The following LAMB1 variants were observed in gnomAD, a reference collection of about 807,000 sequenced individuals.
The protein encoded by LAMB1 is laminin subunit beta-1.
LAMB1 carries 121 observed loss-of-function variants against 222.3 expected under a neutral mutation model. The ratio of observed to expected loss-of-function variants is 0.54; its 90% CI spans 0.47 to 0.63. LAMB1 has a LOEUF of 0.63. LAMB1 is among the 30% of genes least tolerant of loss of function. LAMB1 has a pLI of 0.00. For missense variants in LAMB1, 2,172 were observed against 2,240.8 expected (o/e 0.97, Z 0.62); for synonymous variants, 794 against 807.2 (o/e 0.98, Z 0.28).
chr7:107,997,164 C>T (rs2034295843), intron 4 of LAMB1, among the ~76,000 whole-genome samples: 1 of 152,224 alleles, frequency 6.6e-6, no homozygotes, highest in African/African-American at 2.4e-5. Flanking sequence ...TGGTTCACAC[C>T]TGTAATCCCA....
At chr7:107,958,616 A>C (rs1372184386) in intron 20 of LAMB1, among the ~76,000 whole-genome samples, 1 of 152,222 alleles carries the variant, frequency 6.6e-6, no homozygotes, top group African/African-American at 2.4e-5. Context: ...TGCATTTCTT[A>C]ATTAGTAATA....
chr7:107,940,669 T>G, intron 24 of LAMB1: 1 of 306,682 alleles, frequency 3.3e-6, no homozygotes, highest in South Asian at 5.3e-5. Flanking sequence ...ATGTGGGAAC[T>G]CAGAGATCAG....
At chr7:107,960,711 C>G in intron 17 of LAMB1, 62 bp from the exon 18 acceptor site, 4 of 1,413,072 alleles carry the variant, frequency 2.8e-6, no homozygotes, top group Admixed American at 1.7e-5. Flanking sequence ...TGGGTTTAAG[C>G]AAGCAAACGT....
In LAMB1 at chr7:107,949,636, AG is replaced by A. The variant is rs554806359; in HGVS notation, c.3391+1589del. 7.6e-4 allele frequency among the ~76,000 whole-genome samples: 116 copies of A among 152,368 alleles called. 1 individual carries two copies. The highest frequency in any genetic ancestry group is 1.0e-3 in the Non-Finnish European group (69 of 68,038). ...CAAATTTGGAGAATGATGAAAGAAA[AG>A]TACCTGTTTATTGACATAGCAAACA... On this transcript the variant is annotated intron_variant, in intron 24 of 33. Coordinates refer to ENST00000222399, the MANE Select transcript of LAMB1 (RefSeq NM_002291.3).
intron 26 of LAMB1, 124 bp downstream of exon 26, chr7:107,936,969 T>C: frequency 1.3e-6 from 1 of 763,314 alleles, no homozygotes; most frequent in East Asian, 2.7e-5. Context: ...TGCCAGAAAC[T>C]GGATGAGCAA....
In LAMB1 at chr7:107,929,469, T is replaced by C. The variant is rs2116320322; in HGVS notation, c.4688A>G (p.His1563Arg). 6.2e-7 allele frequency: 1 copy of C among 1,614,190 alleles called. No individual in the cohort carries two copies. The highest frequency in any genetic ancestry group is 8.5e-7 in the Non-Finnish European group (1 of 1,180,010). Reference sequence around the variant, plus strand: ...AGCTCTGGCAATGTCAGCAGCACTATGCTGAAGAATAACCTCTACTTGAGA... The same window carrying C: ...AGCTCTGGCAATGTCAGCAGCACTACGCTGAAGAATAACCTCTACTTGAGA... ...SLSQVEVILQ[H>R]SAADIARAEM... The change falls in exon 30 of 34, where the codon CAT (histidine) becomes CGT (arginine). Residue 1563 changes from histidine to arginine, a missense_variant. Transcript: ENST00000222399.
chr7:107,948,970 T>G (rs1229147998), intron 24 of LAMB1, among the ~76,000 whole-genome samples: 1 of 152,256 alleles, frequency 6.6e-6, no homozygotes, highest in Non-Finnish European at 1.5e-5. Flanking sequence ...TTTCAATACA[T>G]TCTCCTTAAA....
chr7:107,944,457 C>G (rs2033067579), intron 24 of LAMB1, among the ~76,000 whole-genome samples: 1 of 152,144 alleles, frequency 6.6e-6, no homozygotes, highest in African/African-American at 2.4e-5. Flanking sequence ...ATTCCTTTCT[C>G]CCACCTGAAA....
At chr7:107,997,559 T>C (rs1376367433) in intron 4 of LAMB1, among the ~76,000 whole-genome samples, 2 of 152,222 alleles carry the variant, frequency 1.3e-5, no homozygotes, top group African/African-American at 2.4e-5. Context: ...AGAAATCTAG[T>C]AGTCTCCAGG....
intron 31 of LAMB1, among the ~76,000 whole-genome samples, chr7:107,926,750 T>G (rs988968096): frequency 6.6e-6 from 1 of 152,202 alleles, no homozygotes; most frequent in Non-Finnish European, 1.5e-5. Context: ...CCACATAAAT[T>G]TCCAACTTAA....
chr7:107,959,936 G>A, intron 18 of LAMB1, 102 bp from the exon 19 acceptor site: 3 of 1,423,036 alleles, frequency 2.1e-6, no homozygotes, highest in Non-Finnish European at 2.8e-6. Flanking sequence ...TCAGAGTTCT[G>A]GTTTAAAACA....
intron 9 of LAMB1, among the ~76,000 whole-genome samples, chr7:107,977,303 G>A (rs1453310629): frequency 1.3e-5 from 2 of 152,086 alleles, no homozygotes; most frequent in Non-Finnish European, 2.9e-5. Context: ...TGTGGAGTGG[G>A]GAGGGGCAGT....
intron 13 of LAMB1, among the ~76,000 whole-genome samples, chr7:107,966,256 G>A (rs1016725644): frequency 6.6e-6 from 1 of 151,736 alleles, no homozygotes; most frequent in African/African-American, 2.4e-5. Flanking sequence ...TGTCGCCCAC[G>A]CTGGAGTACA....
chr7:107,945,487 C>T (rs561175479), intron 24 of LAMB1, among the ~76,000 whole-genome samples: 1 of 152,350 alleles, frequency 6.6e-6, no homozygotes, highest in Admixed American at 6.5e-5. Context: ...CCAGCTGAGA[C>T]TGTTTCCCGA....
chr7:107,962,722 A>AG (rs1335395535), intron 15 of LAMB1, among the ~76,000 whole-genome samples, 183 bp downstream of exon 15: 12 of 151,516 alleles, frequency 7.9e-5, no homozygotes, highest in Non-Finnish European at 1.3e-4. Context: ...AAAAAAAAAA[A>AG]AAAGAAAGAA....
intron 25 of LAMB1, among the ~76,000 whole-genome samples, chr7:107,938,967 A>G (rs1383006829): frequency 6.6e-6 from 1 of 152,168 alleles, no homozygotes; most frequent in Non-Finnish European, 1.5e-5. Flanking sequence ...TGAGATGAAA[A>G]GTCCCTCTGG....
rs761365168 is a variant in LAMB1, at chr7:108,001,662, G to A, written c.109C>T (p.Pro37Ser). Residue 37 changes from proline to serine, a missense_variant, in exon 3 of 34, where the codon CCC becomes TCC. Physicochemically the swap from Pro to Ser is moderately conservative, Grantham distance 74 (BLOSUM62 -1). Coordinates refer to ENST00000222399, the MANE Select transcript of LAMB1 (RefSeq NM_002291.3). ...CCGATGAGAAGGTCGCCCGTGGCGGGATAGCAGCTGCCTTCTGCGCAGCCG... is the reference window on the plus strand; with the variant it reads ...CCGATGAGAAGGTCGCCCGTGGCGGAATAGCAGCTGCCTTCTGCGCAGCCG... Reference protein sequence around the residue: ...SYGCAEGSCYPATGDLLIGRA... With the variant: ...SYGCAEGSCYSATGDLLIGRA... 5.0e-6 allele frequency: 8 copies of A among 1,612,518 alleles called. No homozygotes were observed. The South Asian group carries it at 5.5e-5, about 11-fold the overall frequency.
At chr7:107,964,000 A>G (rs1056279586) in intron 14 of LAMB1, among the ~76,000 whole-genome samples, 2 of 152,256 alleles carry the variant, frequency 1.3e-5, no homozygotes, top group Non-Finnish European at 2.9e-5. Context: ...GGGAAGCTGA[A>G]GCAGGAGAAT....
chr7:107,946,111 C>T (rs939811121), intron 24 of LAMB1, among the ~76,000 whole-genome samples: 8 of 152,092 alleles, frequency 5.3e-5, no homozygotes, highest in Admixed American at 6.5e-5. Context: ...ACTGCTACAC[C>T]CTAAGATTCA....
Sources: allele counts gnomAD v4.1 joint callset (sites outside exome capture counted in the v4.1 genomes callset), GRCh38; gene constraint gnomAD v4.1.1; transcripts MANE v1.5; gene names NCBI Gene and HGNC (gene_info 2026-07-23, HGNC 2026-07-21).